The following ZNF407 variants were observed in gnomAD, a reference collection of about 807,000 sequenced individuals.
The protein encoded by ZNF407 is zinc finger protein 407.
In ZNF407, 17 loss-of-function variants were observed where a neutral mutation model predicts 131.2. That is an observed-to-expected ratio of 0.13 (90% CI 0.09 to 0.19). ZNF407 has a LOEUF of 0.19. Ranked by LOEUF, ZNF407 falls within the 10% of genes least tolerant of loss-of-function variation. The probability of loss-of-function intolerance (pLI) is 1.00; values close to 1 mark genes in which losing one functional copy is unlikely to be tolerated. For missense variants in ZNF407, 2,681 were observed against 2,830.6 expected (o/e 0.95, Z 1.20); for synonymous variants, 1,156 against 1,062.0 (o/e 1.09, Z -1.72).
At chr18:74,874,880 G>C (rs936087997) in intron 4 of ZNF407, among the ~76,000 whole-genome samples, 17 of 152,106 alleles carry the variant, frequency 1.1e-4, no homozygotes, top group Admixed American at 3.3e-4. Flanking sequence ...TGGGGACAGT[G>C]GGTATTCAGG....
At chr18:75,062,738 T>G in intron 8 of ZNF407, 3 of 160,854 alleles carry the variant, frequency 1.9e-5, no homozygotes, top group East Asian at 1.8e-4. Flanking sequence ...AGATTTTCCG[T>G]TGGGTTAGGA....
chr18:74,718,032 AT>A (rs536999469), intron 3 of ZNF407, among the ~76,000 whole-genome samples: 1 of 151,942 alleles, frequency 6.6e-6, no homozygotes, highest in African/African-American at 2.4e-5. Context: ...CATTCATTCA[AT>A]TTTTTTTAAC....
At chr18:74,714,190 C>A (rs1706926367) in intron 3 of ZNF407, among the ~76,000 whole-genome samples, 2 of 152,106 alleles carry the variant, frequency 1.3e-5, no homozygotes. Context: ...TAGTCATAAG[C>A]AGTAGCTTCA....
At chr18:74,980,415 C>T (rs1358341935) in intron 8 of ZNF407, among the ~76,000 whole-genome samples, 1 of 152,096 alleles carries the variant, frequency 6.6e-6, no homozygotes, top group Non-Finnish European at 1.5e-5. Flanking sequence ...AGGGATTCCC[C>T]TGCCTCAGCC....
At chr18:74,622,902 T>G (rs1424506815) in intron 1 of ZNF407, among the ~76,000 whole-genome samples, 1 of 107,294 alleles carries the variant, frequency 9.3e-6, no homozygotes, top group Non-Finnish European at 2.0e-5. Context: ...GCGTGTCTGT[T>G]TTAGTGTGTG....
intron 3 of ZNF407, among the ~76,000 whole-genome samples, chr18:74,725,429 C>CT (rs1175112258): frequency 6.6e-6 from 1 of 152,144 alleles, no homozygotes; most frequent in Non-Finnish European, 1.5e-5. Flanking sequence ...AAATTAAAAA[C>CT]TATTTTTATG....
At chr18:74,679,211 CG>C (rs1435581209) in intron 3 of ZNF407, among the ~76,000 whole-genome samples, 1 of 152,206 alleles carries the variant, frequency 6.6e-6, no homozygotes, top group Non-Finnish European at 1.5e-5. Context: ...TTCTGAAAAA[CG>C]TAATTGCCAT....
intron 8 of ZNF407, among the ~76,000 whole-genome samples, chr18:74,932,164 A>G (rs1433998231): frequency 1.3e-5 from 2 of 152,210 alleles, no homozygotes; most frequent in Admixed American, 6.5e-5. Context: ...TTATGCTTTT[A>G]TTACACTTTA....
intron 3 of ZNF407, among the ~76,000 whole-genome samples, chr18:74,704,533 A>G (rs1397363836): frequency 6.6e-6 from 1 of 152,168 alleles, no homozygotes; most frequent in Non-Finnish European, 1.5e-5. Flanking sequence ...TTTTTAATAC[A>G]TCACCTCAGT....
chr18:74,981,192 C>T (rs1262680155), intron 8 of ZNF407, among the ~76,000 whole-genome samples: 1 of 152,224 alleles, frequency 6.6e-6, no homozygotes, highest in Non-Finnish European at 1.5e-5. Context: ...CGCCCAAGGG[C>T]ACAGAACAGC....
At chr18:74,733,291 C>G (rs1270370225) in intron 3 of ZNF407, among the ~76,000 whole-genome samples, 1 of 152,086 alleles carries the variant, frequency 6.6e-6, no homozygotes, top group Admixed American at 6.5e-5. Context: ...ATACTAAGCA[C>G]TCTTAACAAA....
At chr18:74,741,033 G>A (rs1245680722) in intron 3 of ZNF407, among the ~76,000 whole-genome samples, 1 of 152,176 alleles carries the variant, frequency 6.6e-6, no homozygotes, top group East Asian at 1.9e-4. Context: ...TAGCTGGAAG[G>A]CAGCTGCATC....
At chr18:75,000,488 C>CA (rs1972832562) in intron 8 of ZNF407, among the ~76,000 whole-genome samples, 1 of 152,162 alleles carries the variant, frequency 6.6e-6, no homozygotes, top group Non-Finnish European at 1.5e-5. Flanking sequence ...TGGTGCTCCT[C>CA]AAACATCATC....
intron 4 of ZNF407, among the ~76,000 whole-genome samples, chr18:74,781,880 A>G (rs1187142082): frequency 2.0e-5 from 3 of 152,190 alleles, no homozygotes; most frequent in Non-Finnish European, 4.4e-5. Context: ...AACAGTTTTG[A>G]ATTCTTACTC....
intron 8 of ZNF407, among the ~76,000 whole-genome samples, chr18:75,051,054 A>G (rs577284640): frequency 6.6e-6 from 1 of 150,584 alleles, no homozygotes; most frequent in South Asian, 2.1e-4. Context: ...AGAGCCCTGC[A>G]CTCAAGGAGC....
intron 7 of ZNF407, among the ~76,000 whole-genome samples, chr18:74,914,105 G>A (rs1044395442): frequency 1.2e-4 from 19 of 152,154 alleles, no homozygotes; most frequent in African/African-American, 3.9e-4. Context: ...AAAGCGATGC[G>A]TGCTGTTTCT....
At chr18:75,014,744 T>G (rs548886402) in intron 8 of ZNF407, among the ~76,000 whole-genome samples, 1 of 152,158 alleles carries the variant, frequency 6.6e-6, no homozygotes, top group Non-Finnish European at 1.5e-5. Context: ...TTGTTTTTTT[T>G]ATATACAAAT....
At chr18:74,987,602 A>T (rs1972668632) in intron 8 of ZNF407, among the ~76,000 whole-genome samples, 1 of 152,152 alleles carries the variant, frequency 6.6e-6, no homozygotes, top group South Asian at 2.1e-4. Flanking sequence ...GTGAACTCTG[A>T]GGGGTTAGTG....
At chr18:74,607,517 A>G (rs967348745) in intron 1 of ZNF407, among the ~76,000 whole-genome samples, 2 of 151,810 alleles carry the variant, frequency 1.3e-5, no homozygotes, top group African/African-American at 2.4e-5. Context: ...TCACAGAGTC[A>G]CTGTGGCATT....
Sources: allele counts gnomAD v4.1 joint callset (sites outside exome capture counted in the v4.1 genomes callset), GRCh38; gene constraint gnomAD v4.1.1; transcripts MANE v1.5; gene names NCBI Gene and HGNC (gene_info 2026-07-23, HGNC 2026-07-21).